Variants in TTC34 observed in about 807,000 individuals in gnomAD.
TTC34 encodes tetratricopeptide repeat domain 34.
TTC34 carries 44 observed loss-of-function variants against 40.7 expected under a neutral mutation model. The observed-to-expected ratio is 1.08, with a 90% CI of 0.85 to 1.39. TTC34 has a LOEUF of 1.39. Among genes scored for constraint, TTC34 ranks in the 40% most tolerant of loss-of-function variants. TTC34 has a pLI of 0.00. For missense variants in TTC34, 884 were observed against 838.0 expected, an observed-to-expected ratio of 1.05 and a Z score of -0.68; for synonymous variants, 422 against 398.6, an observed-to-expected ratio of 1.06 and a Z score of -0.70.
intron 6 of TTC34, among the ~76,000 whole-genome samples, chr1:2,694,962 G>C (rs1229135565): frequency 1.3e-5 from 2 of 151,794 alleles, no homozygotes; most frequent in African/African-American, 4.9e-5. Flanking sequence ...CCCCAGGTGA[G>C]CATCTGACAG....
At chr1:2,686,444 C>A (rs1487775866) in intron 6 of TTC34, among the ~76,000 whole-genome samples, 12 of 148,324 alleles carry the variant, frequency 8.1e-5, no homozygotes, top group Non-Finnish European at 1.5e-4. Flanking sequence ...CCCACACCCC[C>A]AGGTGAGCAT....
intron 6 of TTC34, among the ~76,000 whole-genome samples, chr1:2,749,483 T>G (rs1373619857): frequency 1.8e-5 from 1 of 55,484 alleles, no homozygotes; most frequent in East Asian, 5.8e-4. Flanking sequence ...AGCACCCACA[T>G]CCCCAGGTGA....
chr1:2,752,205 C>T (rs1641342569), intron 6 of TTC34, among the ~76,000 whole-genome samples: 1 of 120,994 alleles, frequency 8.3e-6, no homozygotes, highest in Non-Finnish European at 1.7e-5. Flanking sequence ...GAACAGAACC[C>T]ACACCCCCAG....
At chr1:2,657,332 C>G (rs1482451831) in intron 6 of TTC34, among the ~76,000 whole-genome samples, 29 of 113,488 alleles carry the variant, frequency 2.6e-4, no homozygotes, top group Middle Eastern at 4.7e-3. Context: ...CATGGAGCAG[C>G]ACCCATAGCC....
intron 6 of TTC34, among the ~76,000 whole-genome samples, chr1:2,772,916 C>G (rs536578463): frequency 2.5e-5 from 3 of 117,658 alleles, no homozygotes; most frequent in African/African-American, 9.2e-5. Flanking sequence ...GAGCATTCGA[C>G]AGCCTGGAAC....
In TTC34 at chr1:2,645,186, G is replaced by A. The variant is rs950967757; in HGVS notation, c.2497+107C>T. Reference sequence around the variant, plus strand: ...GGTGGAAGGGACCTTGGAAGCTGTTGTGGTCCGGGTCTCTTTCTTCCATTT... The same window carrying A: ...GGTGGAAGGGACCTTGGAAGCTGTTATGGTCCGGGTCTCTTTCTTCCATTT... On this transcript the variant is annotated intron_variant, in intron 7 of 8. Coordinates refer to ENST00000401095, the Ensembl canonical transcript of TTC34. This position sits in a 1 kb window ranked among gnomAD's most constrained non-coding sequence, Gnocchi z 4.7. 1 of 1,294,488 alleles carries A rather than the reference G, an allele frequency of 7.7e-7. No individual in the cohort carries two copies. Among genetic ancestry groups the A allele is most frequent in the Non-Finnish European group, 1.0e-6 (1 of 1,001,358 alleles). The allele number at this position is 1,294,488 out of a possible 1,614,324, so 80.2% of individuals were successfully genotyped here. A position where few individuals can be genotyped will look rare whatever the true frequency, so the allele number is the denominator to read the frequency against.
At chr1:2,644,206 C>T (rs923022490) in intron 8 of TTC34, 58 bp downstream of exon 8, 1 of 1,488,258 alleles carries the variant, frequency 6.7e-7, no homozygotes, top group African/African-American at 1.4e-5. Flanking sequence ...GCCCGGGGGT[C>T]TCATGCCTGT....
At position 2,645,242 on chromosome 1, in the gene TTC34, C is replaced by A; in HGVS notation, c.2497+51G>T. On this transcript the variant is annotated intron_variant, in intron 7 of 8. Coordinates refer to ENST00000401095, the Ensembl canonical transcript of TTC34. This position sits in a 1 kb window ranked among gnomAD's most constrained non-coding sequence, Gnocchi z 4.7. ...GAACAGGATACAGAGGTCAGAGGAG[C>A]GGGGACAGAAGCCCAGACCCCGTGT... 1 of 1,430,968 alleles carries A rather than the reference C, an allele frequency of 7.0e-7. No individual in the cohort carries two copies. Among genetic ancestry groups the A allele is most frequent in the Non-Finnish European group, 9.1e-7 (1 of 1,094,370 alleles). The allele number at this position is 1,430,968 out of a possible 1,614,324, so 88.6% of individuals were successfully genotyped here.
chr1:2,693,193 T>A (rs536825049), intron 6 of TTC34, among the ~76,000 whole-genome samples: 11 of 101,758 alleles, frequency 1.1e-4, no homozygotes, highest in East Asian at 6.4e-4. Context: ...CACCCCCAGG[T>A]GCGCATCTGA....
intron 6 of TTC34, among the ~76,000 whole-genome samples, chr1:2,749,992 G>T (rs1377233154): frequency 4.7e-5 from 2 of 42,586 alleles, no homozygotes; most frequent in Non-Finnish European, 8.0e-5. Flanking sequence ...ACACCCTGGA[G>T]CAGCACCCAC....
Position 2,750,723 on chromosome 1 carries a change from A to G in TTC34, c.2226+32886T>C, listed in dbSNP as rs1641291411. On this transcript the variant is annotated intron_variant, in intron 6 of 8. Coordinates refer to ENST00000401095, the Ensembl canonical transcript of TTC34. ...CATCCGACAGCCTGGAGCAGCACCC[A>G]CACCCCCAGGTGAGCATCTGATGGT... Among the ~76,000 whole-genome samples, 61 of 148,816 alleles carry G rather than the reference A, an allele frequency of 4.1e-4. 2 individuals are homozygous for G. Among genetic ancestry groups the G allele is most frequent in the Non-Finnish European group, 7.7e-4 (52 of 67,522 alleles).
At chr1:2,695,114 G>A (rs573916001) in intron 6 of TTC34, among the ~76,000 whole-genome samples, 1,409 of 72,554 alleles carry the variant, frequency 0.019, 96 homozygotes, top group African/African-American at 0.075. Context: ...GCACCCATAC[G>A]CCAAGATGAG....
intron 6 of TTC34, among the ~76,000 whole-genome samples, chr1:2,686,120 C>G (rs1283867503): frequency 1.8e-5 from 2 of 110,502 alleles, no homozygotes; most frequent in Non-Finnish European, 1.9e-5. Context: ...GGCACCCACA[C>G]CCGCAGGTGA....
In TTC34 at chr1:2,691,702, A is replaced by T. The variant is rs539215106; in HGVS notation, c.2227-46139T>A. ...TCTGACGGCCTGCAACAGCACCCAC[A>T]TCCCCAGGTGAGCATTGGACAGCCT... is the stretch of plus-strand genomic sequence containing the variant. On this transcript the variant is annotated intron_variant, in intron 6 of 8. Transcript: ENST00000401095. Among the ~76,000 whole-genome samples, 4 of 91,072 alleles carry T rather than the reference A, an allele frequency of 4.4e-5. 1 individual carries two copies. The highest frequency in any genetic ancestry group is 1.4e-4 in the African/African-American group (4 of 27,636). 59.7% of individuals were successfully genotyped at this position (91,072 alleles called of 152,430 possible). A position where few individuals can be genotyped will look rare whatever the true frequency, so the allele number is the denominator to read the frequency against.
In TTC34 at chr1:2,753,136, C is replaced by G. The variant is rs1236581590; in HGVS notation, c.2226+30473G>C. 7.8e-5 allele frequency among the ~76,000 whole-genome samples: 10 copies of G among 128,848 alleles called. 1 individual carries two copies. Among genetic ancestry groups the G allele is most frequent in the Non-Finnish European group, 1.5e-4 (9 of 61,718 alleles). The allele number at this position is 128,848 out of a possible 152,430, so 84.5% of individuals were successfully genotyped here. The stretch of plus-strand genomic sequence containing the variant: ...GACAGCCTGGAACAGCACCAAAAAC[C>G]CCAGGTGAGCATCTGACGGCCTGGA... On this transcript the variant is annotated intron_variant, in intron 6 of 8. Coordinates refer to ENST00000401095, the Ensembl canonical transcript of TTC34.
exon 9 of TTC34, chr1:2,640,097 G>A (rs2100983152): frequency 6.6e-6 from 1 of 152,592 alleles, no homozygotes; most frequent in African/African-American, 2.4e-5. Flanking sequence ...CAGAGAAGGG[G>A]ACAGAAATGG....
chr1:2,769,617 A>G (rs1254283414), intron 6 of TTC34, among the ~76,000 whole-genome samples: 1 of 133,100 alleles, frequency 7.5e-6, no homozygotes, highest in African/African-American at 3.0e-5. Flanking sequence ...GACAGCCTGG[A>G]ACAGCACCCA....
At position 2,692,027 on chromosome 1, in the gene TTC34, C is replaced by A. The variant is rs1394956688; in HGVS notation, c.2227-46464G>T. On this transcript the variant is annotated intron_variant, in intron 6 of 8. Transcript: ENST00000401095. ...ACAGCATGTATCAGCACCCACACCC[C>A]CAGGTGAGCATCTGACAGCCTGGAA... Among the ~76,000 whole-genome samples, 59 of 79,292 alleles carry A rather than the reference C, an allele frequency of 7.4e-4. 5 individuals carry two copies. The highest frequency in any genetic ancestry group is 5.4e-3 in the Admixed American group (41 of 7,524). The allele number at this position is 79,292 out of a possible 152,430, so 52.0% of individuals were successfully genotyped here. A position where few individuals can be genotyped will look rare whatever the true frequency, so the allele number is the denominator to read the frequency against.
Position 2,751,032 on chromosome 1 carries a change from G to A in TTC34, c.2226+32577C>T, listed in dbSNP as rs1333263256. 3.3e-5 allele frequency among the ~76,000 whole-genome samples: 4 copies of A among 119,564 alleles called. 1 individual carries two copies. Among genetic ancestry groups the A allele is most frequent in the African/African-American group, 1.5e-4 (4 of 26,700 alleles). The allele number at this position is 119,564 out of a possible 152,430, so 78.4% of individuals were successfully genotyped here. On this transcript the variant is annotated intron_variant, in intron 6 of 8. Coordinates refer to ENST00000401095, the Ensembl canonical transcript of TTC34. ...CGACAGGTGAGCATCTGACAGCCTG[G>A]AACAGAACCCACACCCCCAGGTGAG...
Sources: allele counts gnomAD v4.1 joint callset (sites outside exome capture counted in the v4.1 genomes callset), GRCh38; gene constraint gnomAD v4.1.1; non-coding constraint Gnocchi (gnomAD v3.1); transcripts MANE v1.5; gene names NCBI Gene and HGNC (gene_info 2026-07-23, HGNC 2026-07-21).